Variants in FOXN3 observed in about 807,000 individuals in gnomAD.
FOXN3 encodes the protein forkhead box protein N3.
FOXN3 carries 7 observed loss-of-function variants against 38.4 expected under a neutral mutation model. That is an observed-to-expected ratio of 0.18 (90% confidence interval 0.10 to 0.34). FOXN3 has a LOEUF of 0.34. FOXN3 is among the 10% of genes least tolerant of loss of function. The pLI is 1.00. For missense variants in FOXN3, 456 were observed against 613.4 expected (o/e 0.74, Z 2.71); for synonymous variants, 230 against 242.2 (o/e 0.95, Z 0.47).
intron 1 of FOXN3, among the ~76,000 whole-genome samples, chr14:89,525,269 T>C (rs905564278): frequency 2.1e-5 from 3 of 146,268 alleles, no homozygotes; most frequent in African/African-American, 7.3e-5. Context: ...GTAAAGAAGC[T>C]GGCCAAAACC....
intron 3 of FOXN3, among the ~76,000 whole-genome samples, chr14:89,311,756 G>A (rs1479658834): frequency 1.3e-5 from 2 of 152,018 alleles, no homozygotes; most frequent in Admixed American, 6.6e-5. Context: ...AACCTGGGAG[G>A]CAGAGGTTGC....
chr14:89,212,047 A>G (rs571124313), intron 4 of FOXN3, among the ~76,000 whole-genome samples: 1 of 152,226 alleles, frequency 6.6e-6, no homozygotes, highest in South Asian at 2.1e-4. Flanking sequence ...ACAAGCACAG[A>G]AAAAAAGGGT....
At chr14:89,449,136 C>A (rs1316635763) in intron 1 of FOXN3, among the ~76,000 whole-genome samples, 1 of 152,154 alleles carries the variant, frequency 6.6e-6, no homozygotes, top group Non-Finnish European at 1.5e-5. Flanking sequence ...TTCTGACAGA[C>A]AAAGTACCCT....
intron 2 of FOXN3, among the ~76,000 whole-genome samples, chr14:89,357,773 G>C (rs1889296055): frequency 6.6e-6 from 1 of 152,166 alleles, no homozygotes; most frequent in South Asian, 2.1e-4. Flanking sequence ...AACTGGGTTT[G>C]TGTACATATA....
At chr14:89,216,019 T>C (rs1245216247) in intron 4 of FOXN3, among the ~76,000 whole-genome samples, 2 of 152,206 alleles carry the variant, frequency 1.3e-5, no homozygotes, top group Non-Finnish European at 2.9e-5. Context: ...CCTTTTCTCA[T>C]CAAAAGTCAG....
Position 89,255,392 on chromosome 14 carries a change from G to GTTCA in FOXN3, c.745+25554_745+25557dup, listed in dbSNP as rs1282507166. 4.0e-5 allele frequency among the ~76,000 whole-genome samples: 6 copies of GTTCA among 151,792 alleles called. No individual in the cohort carries two copies. The East Asian group carries it at 1.2e-3, about 29-fold the overall frequency. ...TGAAGATGAATTACTGTTGGTCTGT[G>GTTCA]TTCATTCATTCATTCACTCATTCAT... is the stretch of plus-strand genomic sequence containing the variant. On this transcript the variant is annotated intron_variant, in intron 4 of 5. Coordinates refer to ENST00000557258, the MANE Select transcript of FOXN3 (RefSeq NM_005197.4).
At chr14:89,184,685 C>T (rs1224231317) in intron 4 of FOXN3, among the ~76,000 whole-genome samples, 2 of 152,226 alleles carry the variant, frequency 1.3e-5, no homozygotes, top group Non-Finnish European at 2.9e-5. Flanking sequence ...GTCTCCATTT[C>T]CTCACTGGTG....
At chr14:89,606,173 A>T (rs1301773317) in intron 1 of FOXN3, among the ~76,000 whole-genome samples, 1 of 152,204 alleles carries the variant, frequency 6.6e-6, no homozygotes, top group African/African-American at 2.4e-5. Context: ...AAATTCCTAG[A>T]AATGCATAAA....
At chr14:89,349,396 T>C (rs1039836816) in intron 3 of FOXN3, 2 of 152,406 alleles carry the variant, frequency 1.3e-5, no homozygotes, top group East Asian at 1.9e-4. Flanking sequence ...TGCTACAACC[T>C]TCCCCCCCAC....
At chr14:89,373,172 A>C (rs1890372483) in intron 2 of FOXN3, among the ~76,000 whole-genome samples, 1 of 151,998 alleles carries the variant, frequency 6.6e-6, no homozygotes. Flanking sequence ...TCTCAAAAAA[A>C]AGAAAAAAAA....
chr14:89,515,543 A>G (rs540985290), intron 1 of FOXN3, among the ~76,000 whole-genome samples: 1 of 151,986 alleles, frequency 6.6e-6, no homozygotes, highest in South Asian at 2.1e-4. Context: ...CTGGCCAACC[A>G]TGGCCAACAT....
chr14:89,182,833 C>T (rs1276646832), intron 4 of FOXN3, among the ~76,000 whole-genome samples: 1 of 152,124 alleles, frequency 6.6e-6, no homozygotes, highest in Non-Finnish European at 1.5e-5. Flanking sequence ...CGCATGTGGT[C>T]AACGGATTTT....
At chr14:89,401,003 G>A (rs115759057) in intron 2 of FOXN3, among the ~76,000 whole-genome samples, 187 of 152,260 alleles carry the variant, frequency 1.2e-3, no homozygotes, top group African/African-American at 4.4e-3. Context: ...CCAGGGACCC[G>A]CCAGAGGTCA....
chr14:89,179,164 C>T (rs779850661), intron 5 of FOXN3, among the ~76,000 whole-genome samples: 1 of 152,206 alleles, frequency 6.6e-6, no homozygotes, highest in Non-Finnish European at 1.5e-5. Flanking sequence ...AAAAACCTTT[C>T]CATGTATTTT....
At chr14:89,236,608 T>C (rs1884988851) in intron 4 of FOXN3, among the ~76,000 whole-genome samples, 1 of 152,204 alleles carries the variant, frequency 6.6e-6, no homozygotes, top group South Asian at 2.1e-4. Context: ...GGCAAGGGGC[T>C]ATGGGAGCTA....
chr14:89,234,616 C>CCTCT lies in FOXN3; in HGVS notation c.745+46330_745+46333dup, dbSNP rs34492323. ...CTGGTTGTTTAAAAGTATGTGGCAT[C>CCTCT]CTCTCTCTCTCTCTCTCTCTCTCTG... On this transcript the variant is annotated intron_variant, in intron 4 of 5. Transcript: ENST00000557258. 2.0e-4 allele frequency among the ~76,000 whole-genome samples: 29 copies of CCTCT among 148,412 alleles called. 1 individual carries two copies. The highest frequency in any genetic ancestry group is 1.8e-3 in the East Asian group (9 of 5,042).
intron 1 of FOXN3, chr14:89,577,529 C>G (rs1174418361): frequency 6.6e-6 from 1 of 151,992 alleles, no homozygotes; most frequent in African/African-American, 2.4e-5. Context: ...TGAAATGATG[C>G]CACACATCTT....
At chr14:89,496,505 G>A (rs747269705) in intron 1 of FOXN3, among the ~76,000 whole-genome samples, 1 of 152,000 alleles carries the variant, frequency 6.6e-6, no homozygotes, top group African/African-American at 2.4e-5. Context: ...AAGATACCTG[G>A]GGGGGTCCTT....
At chr14:89,516,080 T>C (rs970888099) in intron 1 of FOXN3, among the ~76,000 whole-genome samples, 6 of 152,110 alleles carry the variant, frequency 3.9e-5, no homozygotes, top group Admixed American at 2.6e-4. Flanking sequence ...TAAAGAATAA[T>C]AGTTTGTTTC....
Sources: gnomAD v4.1 joint callset for allele counts (sites outside exome capture counted in the v4.1 genomes callset) on GRCh38, gnomAD v4.1.1 for gene constraint, MANE v1.5 for transcripts, NCBI Gene and HGNC (gene_info 2026-07-23, HGNC 2026-07-21) for gene names.